Variants in HMX3 observed in about 807,000 individuals in gnomAD.
HMX3 encodes the protein homeobox protein HMX3.
A neutral mutation model predicts 22.8 loss-of-function variants in HMX3; 8 were observed. The observed-to-expected ratio is 0.35, with a 90% CI of 0.21 to 0.63. The LOEUF (loss-of-function observed/expected upper bound fraction) is 0.63, where lower values mean the gene tolerates loss of function less well. Among genes scored for constraint, HMX3 ranks in the 30% least tolerant of loss-of-function variants. The pLI is 0.72. For synonymous variants in HMX3, 331 were observed against 250.9 expected (o/e 1.32, Z -3.02); for missense variants, 527 against 520.6 (o/e 1.01, Z -0.12).
At position 123,137,018 on chromosome 10, in the gene HMX3, C is replaced by G. The variant is rs377040760; in HGVS notation, c.401-40C>G. Reference sequence around the variant, plus strand: ...CGCCGGGCCTCGCTCAAGGCTGTGTCGGTGTGCATGTGTGTGCGTCCGTCT... The same window carrying G: ...CGCCGGGCCTCGCTCAAGGCTGTGTGGGTGTGCATGTGTGTGCGTCCGTCT... On this transcript the variant is annotated intron_variant, in intron 1 of 1. Transcript: ENST00000357878. This position sits in a 1 kb window ranked among gnomAD's most constrained non-coding sequence, Gnocchi z 5.8. 5.8e-6 allele frequency: 9 copies of G among 1,545,710 alleles called. No individual in the cohort carries two copies. The highest frequency in any genetic ancestry group is 7.8e-6 in the Non-Finnish European group (9 of 1,148,458).
chr10:123,138,222 T>C lies in HMX3; in HGVS notation c.*491T>C, dbSNP rs1844100404. ...TGGAGTGCAGTGGCGCGATCTCGGC[T>C]CACTTCGACCTCCGCCTCCCGGGTT... is the stretch of plus-strand genomic sequence containing the variant. On this transcript the variant is annotated 3_prime_UTR_variant, in exon 2 of 2. Transcript: ENST00000357878. Among the ~76,000 whole-genome samples the C allele has an allele frequency of 1.3e-5, 2 of 148,174 alleles. No homozygotes were observed. The highest frequency in any genetic ancestry group is 3.0e-5 in the Non-Finnish European group (2 of 67,276).
chr10:123,137,841 C>A lies in HMX3; in HGVS notation c.*110C>A. 1 of 739,278 alleles carries A rather than the reference C, an allele frequency of 1.4e-6. No homozygotes were observed. The highest frequency in any genetic ancestry group is 2.0e-6 in the Non-Finnish European group (1 of 497,278). The allele number at this position is 739,278 out of a possible 1,614,324, so 45.8% of individuals were successfully genotyped here. A position where few individuals can be genotyped will look rare whatever the true frequency, so the allele number is the denominator to read the frequency against. On this transcript the variant is annotated 3_prime_UTR_variant, in exon 2 of 2. Transcript: ENST00000357878. This position sits in a 1 kb window ranked among gnomAD's most constrained non-coding sequence, Gnocchi z 5.8. ...GTCCAGCGGCCTTCAGGAACTGGGGCTTGGGCGCGCAGCCTCTGCTTCCCC... is the reference window on the plus strand; with the variant it reads ...GTCCAGCGGCCTTCAGGAACTGGGGATTGGGCGCGCAGCCTCTGCTTCCCC...
Position 123,138,505 on chromosome 10 carries a change from A to G in HMX3, c.*774A>G, listed in dbSNP as rs555164360. 8.5e-5 allele frequency among the ~76,000 whole-genome samples: 13 copies of G among 152,308 alleles called. No individual in the cohort carries two copies. Among genetic ancestry groups the G allele is most frequent in the African/African-American group, 2.4e-4 (10 of 41,568 alleles). ...GAATCCAGAGAGGGAGAGAATTCATATGATAGTACTTTTATTTCTGGATTT... is the reference window on the plus strand; with the variant it reads ...GAATCCAGAGAGGGAGAGAATTCATGTGATAGTACTTTTATTTCTGGATTT... On this transcript the variant is annotated 3_prime_UTR_variant, in exon 2 of 2. Coordinates refer to ENST00000357878, the MANE Select transcript of HMX3 (RefSeq NM_001105574.2).
At position 123,136,181 on chromosome 10, in the gene HMX3, C is replaced by A; in HGVS notation, c.131C>A (p.Pro44Gln). 1 of 1,444,326 alleles carries A rather than the reference C, an allele frequency of 6.9e-7. No individual in the cohort carries two copies. Among genetic ancestry groups the A allele is most frequent in the Admixed American group, 2.5e-5 (1 of 39,650 alleles). The allele number at this position is 1,444,326 out of a possible 1,614,324, so 89.5% of individuals were successfully genotyped here. Reference protein sequence around the residue: ...KNLLNGDHHRPPPKPQPPPRT... With the variant: ...KNLLNGDHHRQPPKPQPPPRT... ...CTGCTCAACGGAGACCACCACCGGC[C>A]GCCCCCTAAGCCTCAGCCGCCCCCA... is the stretch of plus-strand genomic sequence containing the variant. Residue 44 changes from proline (P) to glutamine (Q), a missense_variant, in exon 1 of 2, where the codon CCG becomes CAG. Around this residue, in one of 3 missense-constraint regions of HMX3, gnomAD observed 386 missense variants for 337.8 expected, o/e 1.14. Coordinates refer to ENST00000357878, the MANE Select transcript of HMX3 (RefSeq NM_001105574.2). This position sits in a 1 kb window ranked among gnomAD's most constrained non-coding sequence, Gnocchi z 4.8.
chr10:123,137,767 C>A lies in HMX3; in HGVS notation c.*36C>A. 7.2e-7 allele frequency: 1 copy of A among 1,383,134 alleles called. No individual in the cohort carries two copies. Among genetic ancestry groups the A allele is most frequent in the Non-Finnish European group, 9.4e-7 (1 of 1,063,924 alleles). The allele number at this position is 1,383,134 out of a possible 1,614,324, so 85.7% of individuals were successfully genotyped here. ...GGGTGGGGGAGGGAGCGCCCGGCCT[C>A]CTTGTCCGGACCCCGGAGGAGACTG... On this transcript the variant is annotated 3_prime_UTR_variant, in exon 2 of 2. Coordinates refer to ENST00000357878, the MANE Select transcript of HMX3 (RefSeq NM_001105574.2). This position sits in a 1 kb window ranked among gnomAD's most constrained non-coding sequence, Gnocchi z 5.8.
At position 123,137,881 on chromosome 10, in the gene HMX3, G is replaced by A; in HGVS notation, c.*150G>A. The A allele has an allele frequency of 1.8e-6, 1 of 543,586 alleles. No homozygotes were observed. The allele number at this position is 543,586 out of a possible 1,614,324, so 33.7% of individuals were successfully genotyped here. A position where few individuals can be genotyped will look rare whatever the true frequency, so the allele number is the denominator to read the frequency against. ...TCTGCTTCCCCTCCCCCAGTCGGTAGCATTTTGTAAGTATTTGCAATGCAT... is the reference window on the plus strand; with the variant it reads ...TCTGCTTCCCCTCCCCCAGTCGGTAACATTTTGTAAGTATTTGCAATGCAT... On this transcript the variant is annotated 3_prime_UTR_variant, in exon 2 of 2. Transcript: ENST00000357878. This position sits in a 1 kb window ranked among gnomAD's most constrained non-coding sequence, Gnocchi z 5.8.
Position 123,136,423 on chromosome 10 carries a change from G to C in HMX3, c.373G>C (p.Ala125Pro), listed in dbSNP as rs773214968. The change falls in exon 1 of 2, where the codon GCC (alanine) becomes CCC (proline). Residue 125 changes from alanine to proline, a missense_variant. Ala to Pro is a conservative substitution (Grantham distance 27). Coordinates refer to ENST00000357878, the MANE Select transcript of HMX3 (RefSeq NM_001105574.2). The surrounding 1 kb of genome is among the most constrained non-coding windows in gnomAD (Gnocchi z 4.8). ...AWWYPYTLTP[A>P]GGHLPRPEAS... ...GTGGTACCCCTACACCCTGACCCCC[G>C]CCGGCGGCCACCTCCCGCGACCTGA... The C allele has an allele frequency of 2.0e-6, 3 of 1,486,872 alleles. No homozygotes were observed. The highest frequency in any genetic ancestry group is 1.3e-5 in the South Asian group (1 of 74,696). 92.1% of individuals were successfully genotyped at this position (1,486,872 alleles called of 1,614,324 possible). A position where few individuals can be genotyped will look rare whatever the true frequency, so the allele number is the denominator to read the frequency against.
chr10:123,136,032 A>G lies in HMX3; in HGVS notation c.-19A>G. The G allele has an allele frequency of 7.5e-7, 1 of 1,328,488 alleles. No homozygotes were observed. Among genetic ancestry groups the G allele is most frequent in the Admixed American group, 4.0e-5 (1 of 24,862 alleles). The allele number at this position is 1,328,488 out of a possible 1,614,324, so 82.3% of individuals were successfully genotyped here. ...CTGTCCCGCTCCCTCCCTCCCGGGGACCCGGAGGAGAGGGGACCATGCCGG... is the reference window on the plus strand; with the variant it reads ...CTGTCCCGCTCCCTCCCTCCCGGGGGCCCGGAGGAGAGGGGACCATGCCGG... On this transcript the variant is annotated 5_prime_UTR_variant, in exon 1 of 2. Coordinates refer to ENST00000357878, the MANE Select transcript of HMX3 (RefSeq NM_001105574.2). This position sits in a 1 kb window ranked among gnomAD's most constrained non-coding sequence, Gnocchi z 4.8.
Position 123,137,354 on chromosome 10 carries a change from G to A in HMX3, c.697G>A (p.Val233Ile). ...GTGCCGCAAGAAGAAGACGCGCACA[G>A]TCTTCTCGCGCAGCCAGGTCTTCCA... ...PACRKKKTRTVFSRSQVFQLE... is the reference protein window; with the variant it reads ...PACRKKKTRTIFSRSQVFQLE... The change falls in exon 2 of 2, where the codon GTC (valine) becomes ATC (isoleucine). Residue 233 changes from valine (V) to isoleucine (I), a missense_variant. Transcript: ENST00000357878. This position sits in a 1 kb window ranked among gnomAD's most constrained non-coding sequence, Gnocchi z 5.8. The A allele has an allele frequency of 6.2e-7, 1 of 1,613,144 alleles. No homozygotes were observed. Among genetic ancestry groups the A allele is most frequent in the Non-Finnish European group, 8.5e-7 (1 of 1,179,870 alleles).
chr10:123,137,681 TA>T lies in HMX3; in HGVS notation c.1025del (p.Tyr342SerfsTer70). ...GCTGCTCACCTTCCCGCACCCCGTC[TA>T]CTACTCGCACCCGGTGGTCTCTTCC... is the stretch of plus-strand genomic sequence containing the variant. ...QPLLTFPHPV[Y>X]YSHPVVSSVP... is the part of the protein sequence containing the mutation. On this transcript the variant is annotated frameshift_variant, in exon 2 of 2. Coordinates refer to ENST00000357878, the MANE Select transcript of HMX3 (RefSeq NM_001105574.2). LOFTEE classifies it high-confidence loss of function. The surrounding 1 kb of genome is among the most constrained non-coding windows in gnomAD (Gnocchi z 5.8). 6.8e-7 allele frequency: 1 copy of T among 1,479,324 alleles called. No individual in the cohort carries two copies. The highest frequency in any genetic ancestry group is 8.9e-7 in the Non-Finnish European group (1 of 1,122,708). 91.6% of individuals were successfully genotyped at this position (1,479,324 alleles called of 1,614,324 possible). A position where few individuals can be genotyped will look rare whatever the true frequency, so the allele number is the denominator to read the frequency against.
rs566101814 is a variant in HMX3, at chr10:123,136,687, G to T, written c.400+237G>T. On this transcript the variant is annotated intron_variant, in intron 1 of 1. Transcript: ENST00000357878. This position sits in a 1 kb window ranked among gnomAD's most constrained non-coding sequence, Gnocchi z 4.8. Reference sequence around the variant, plus strand: ...GGCACGGTGCTTCCCGGGAAAAGTGGCCTCGGGCGTGAATAGGGAGGCTTC... The same window carrying T: ...GGCACGGTGCTTCCCGGGAAAAGTGTCCTCGGGCGTGAATAGGGAGGCTTC... Among the ~76,000 whole-genome samples the T allele has an allele frequency of 2.0e-5, 3 of 152,320 alleles. No homozygotes were observed. The South Asian group carries it at 6.2e-4, about 32-fold the overall frequency.
Position 123,137,059 on chromosome 10 carries a change from C to T in HMX3, c.402C>T (p.Ala134=), listed in dbSNP as rs559646731. 1.2e-5 allele frequency: 19 copies of T among 1,603,722 alleles called. No homozygotes were observed. In the African/African-American group the frequency reaches 2.1e-4, roughly 18 times the overall value. ...PAGGHLPRPE[A]SEKALLRDSS... ...GCGTCCGTCTGTCTGTCTCCCCAGC[C>T]TCGGAGAAGGCCTTGCTGAGAGACT... The change falls in exon 2 of 2, where the codon GCC becomes GCT. Residue 134 remains alanine (A), a splice_region_variant and synonymous_variant. Transcript: ENST00000357878. The surrounding 1 kb of genome is among the most constrained non-coding windows in gnomAD (Gnocchi z 5.8).
chr10:123,136,154 A>G lies in HMX3; in HGVS notation c.104A>G (p.Asn35Ser). ...AAGGAGTCCCCGTTCTCCATCAAGA[A>G]CCTGCTCAACGGAGACCACCACCGG... ...APKESPFSIKNLLNGDHHRPP... is the reference protein window; with the variant it reads ...APKESPFSIKSLLNGDHHRPP... Residue 35 changes from asparagine to serine, a missense_variant, in exon 1 of 2, where the codon AAC (asparagine) becomes AGC (serine). Asn to Ser is a conservative substitution (Grantham distance 46, BLOSUM62 1). Coordinates refer to ENST00000357878, the MANE Select transcript of HMX3 (RefSeq NM_001105574.2). The surrounding 1 kb of genome is among the most constrained non-coding windows in gnomAD (Gnocchi z 4.8). 7.0e-7 allele frequency: 1 copy of G among 1,427,524 alleles called. No homozygotes were observed. Among genetic ancestry groups the G allele is most frequent in the South Asian group, 1.6e-5 (1 of 63,372 alleles). 88.4% of individuals were successfully genotyped at this position (1,427,524 alleles called of 1,614,324 possible).
rs1379086767 is a variant in HMX3 at position 123,137,422 on chromosome 10, G to T, written c.765G>T (p.Ser255=). The change falls in exon 2 of 2, where the codon TCG becomes TCT. Residue 255 remains serine (S), a synonymous_variant. Transcript: ENST00000357878. This position sits in a 1 kb window ranked among gnomAD's most constrained non-coding sequence, Gnocchi z 5.8. Reference sequence around the variant, plus strand: ...ACATGAAGCGCTATCTGAGCAGCTCGGAGCGAGCCGGCCTGGCCGCGTCCC... The same window carrying T: ...ACATGAAGCGCTATCTGAGCAGCTCTGAGCGAGCCGGCCTGGCCGCGTCCC... The part of the protein sequence containing the change: ...TFDMKRYLSS[S]ERAGLAASLH... 1 of 1,613,440 alleles carries T rather than the reference G, an allele frequency of 6.2e-7. No individual in the cohort carries two copies. The highest frequency in any genetic ancestry group is 1.1e-5 in the South Asian group (1 of 91,082).
chr10:123,136,955 C>T lies in HMX3; in HGVS notation c.401-103C>T. 1.5e-6 allele frequency: 2 copies of T among 1,372,488 alleles called. No homozygotes were observed. The highest frequency in any genetic ancestry group is 2.5e-5 in the East Asian group (1 of 39,636). The allele number at this position is 1,372,488 out of a possible 1,614,324, so 85.0% of individuals were successfully genotyped here. On this transcript the variant is annotated intron_variant, in intron 1 of 1. Transcript: ENST00000357878. The surrounding 1 kb of genome is among the most constrained non-coding windows in gnomAD (Gnocchi z 4.8). ...AATGGTGAGGCCTCATGGCCTGGGA[C>T]CTGGAGGCCGGCGCGGGTTGAGCCT...
At position 123,138,444 on chromosome 10, in the gene HMX3, G is replaced by A. The variant is rs1224175562; in HGVS notation, c.*713G>A. On this transcript the variant is annotated 3_prime_UTR_variant, in exon 2 of 2. Coordinates refer to ENST00000357878, the MANE Select transcript of HMX3 (RefSeq NM_001105574.2). ...ATTACAGGCGTGAGCCACTGCGCCC[G>A]GCCTAGTTTATTCCTTTTCTATAGA... Among the ~76,000 whole-genome samples, 1 of 152,176 alleles carries A rather than the reference G, an allele frequency of 6.6e-6. No individual in the cohort carries two copies. The highest frequency in any genetic ancestry group is 2.1e-4 in the South Asian group (1 of 4,832).
rs752385089 is a variant in HMX3 at position 123,136,336 on chromosome 10, T to C, written c.286T>C (p.Phe96Leu). The C allele has an allele frequency of 6.4e-7, 1 of 1,571,000 alleles. No individual in the cohort carries two copies. Among genetic ancestry groups the C allele is most frequent in the African/African-American group, 1.4e-5 (1 of 71,438 alleles). Residue 96 changes from phenylalanine (F) to leucine (L), a missense_variant, in exon 1 of 2, where the codon TTT becomes CTT. Physicochemically the swap from Phe to Leu is conservative, Grantham distance 22. Coordinates refer to ENST00000357878, the MANE Select transcript of HMX3 (RefSeq NM_001105574.2). The surrounding 1 kb of genome is among the most constrained non-coding windows in gnomAD (Gnocchi z 4.8). ...SQVGDLAFPR[F>L]EIPAQRFALP... ...GGTGGGCGACCTGGCTTTCCCTCGCTTTGAGATCCCGGCGCAGAGGTTTGC... is the reference window on the plus strand; with the variant it reads ...GGTGGGCGACCTGGCTTTCCCTCGCCTTGAGATCCCGGCGCAGAGGTTTGC...
rs1186163706 is a variant in HMX3, at chr10:123,138,974, T to G, written c.*1243T>G. 5.9e-5 allele frequency among the ~76,000 whole-genome samples: 9 copies of G among 152,208 alleles called. No homozygotes were observed. Among genetic ancestry groups the G allele is most frequent in the Non-Finnish European group, 1.3e-4 (9 of 68,032 alleles). The stretch of plus-strand genomic sequence containing the variant: ...CTGTGCAATATTGTACAAAATCTCC[T>G]GAGAAAGCTGTTTCCTCCTCCACCG... On this transcript the variant is annotated 3_prime_UTR_variant, in exon 2 of 2. Transcript: ENST00000357878.
At position 123,136,245 on chromosome 10, in the gene HMX3, C is replaced by CGCCGCT. The variant is rs773924704; in HGVS notation, c.207_212dup (p.Ala72_Ala73dup). On this transcript the variant is annotated inframe_insertion, in exon 1 of 2. Transcript: ENST00000357878. The surrounding 1 kb of genome is among the most constrained non-coding windows in gnomAD (Gnocchi z 4.8). ...CGCCAGCCTCGGCTGCCGCCGCCGC[C>CGCCGCT]GCCGCTGCCGCTGCCGCGGCGGCCA... The CGCCGCT allele has an allele frequency of 8.8e-5, 118 of 1,345,034 alleles. No homozygotes were observed. The highest frequency in any genetic ancestry group is 3.2e-4 in the Admixed American group (8 of 24,898). 83.3% of individuals were successfully genotyped at this position (1,345,034 alleles called of 1,614,324 possible).
Sources: allele counts gnomAD v4.1 joint callset (sites outside exome capture counted in the v4.1 genomes callset), GRCh38; gene constraint gnomAD v4.1.1; regional missense constraint gnomAD v4.1.1; non-coding constraint Gnocchi (gnomAD v3.1); transcripts MANE v1.5; gene names NCBI Gene and HGNC (gene_info 2026-07-23, HGNC 2026-07-21).